CFAP99: variants seen among roughly 807,000 people sequenced by gnomAD.
CFAP99 encodes cilia- and flagella-associated protein 99.
A neutral mutation model predicts 82.7 loss-of-function variants in CFAP99; 84 were observed. The ratio of observed to expected loss-of-function variants is 1.02; its 90% CI spans 0.85 to 1.22. The LOEUF (loss-of-function observed/expected upper bound fraction) is 1.22. CFAP99 is among the 50% of genes most tolerant of loss of function. The pLI, the probability that CFAP99 is intolerant of heterozygous loss-of-function variation, is 0.00. For missense variants in CFAP99, 1,059 were observed against 983.5 expected, an observed-to-expected ratio of 1.08 and a Z score of -1.03; for synonymous variants, 456 against 429.5, an observed-to-expected ratio of 1.06 and a Z score of -0.76.
chr4:2,449,564 A>T, intron 6 of CFAP99, 106 bp from the exon 7 acceptor site: 1 of 969,002 alleles, frequency 1.0e-6, no homozygotes, highest in Non-Finnish European at 1.6e-6. Context: ...GGCCGCCACC[A>T]CCCTCCCCTT....
exon 11 of CFAP99, chr4:2,452,278 G>A: frequency 1.3e-6 from 2 of 1,535,876 alleles, no homozygotes; most frequent in African/African-American, 2.7e-5. Context: ...TAGCCATGAG[G>A]AGGCCGTCCT....
At chr4:2,426,676 G>A (rs1220204404) in intron 2 of CFAP99, 90 bp downstream of exon 2, 37 of 817,956 alleles carry the variant, frequency 4.5e-5, no homozygotes, top group African/African-American at 2.2e-4. Context: ...CCTTCCTAAC[G>A]ACTGCCTTCC....
chr4:2,449,585 C>T, intron 6 of CFAP99, 85 bp from the exon 7 acceptor site: 2 of 1,241,328 alleles, frequency 1.6e-6, no homozygotes, highest in Non-Finnish European at 2.3e-6. Context: ...CACCCACATC[C>T]ACCAAGCTGT....
chr4:2,450,751 C>A (rs1682496702), intron 8 of CFAP99, among the ~76,000 whole-genome samples, 196 bp from the exon 9 acceptor site: 2 of 152,160 alleles, frequency 1.3e-5, no homozygotes, highest in Non-Finnish European at 2.9e-5. Context: ...TGGGTGGAAC[C>A]ACAGCAAGGC....
chr4:2,447,586 T>G (rs1335715494), intron 6 of CFAP99, among the ~76,000 whole-genome samples: 1 of 151,258 alleles, frequency 6.6e-6, no homozygotes, highest in African/African-American at 2.4e-5. Context: ...TATGGATGGA[T>G]GAATGGATGA....
Position 2,462,536 on chromosome 4 carries a change from G to A in CFAP99, c.1755G>A (p.Ala585=), listed in dbSNP as rs944198073. ...TGCGGCGCAGGATCTCGGAGAGGGC[G>A]GCCGAGCGCAGCAGGCAGGCGGCCT... The change falls in exon 15 of 15, where the codon GCG becomes GCA. Residue 585 remains alanine (A), a synonymous_variant. Transcript: ENST00000635017. The surrounding 1 kb of genome is among the most constrained non-coding windows in gnomAD (Gnocchi z 4.1). 6.8e-7 allele frequency: 1 copy of A among 1,470,396 alleles called. No homozygotes were observed. Among genetic ancestry groups the A allele is most frequent in the Admixed American group, 2.4e-5 (1 of 41,080 alleles). The allele number at this position is 1,470,396 out of a possible 1,614,324, so 91.1% of individuals were successfully genotyped here.
At chr4:2,450,857 G>A in intron 8 of CFAP99, 90 bp from the exon 9 acceptor site, 2 of 1,128,020 alleles carry the variant, frequency 1.8e-6, no homozygotes, top group Non-Finnish European at 2.6e-6. Flanking sequence ...GGCCTCCCCA[G>A]GGTGCTGGGC....
chr4:2,454,258 C>G (rs1054119577), intron 11 of CFAP99, among the ~76,000 whole-genome samples: 4 of 152,202 alleles, frequency 2.6e-5, no homozygotes, highest in Non-Finnish European at 4.4e-5. Flanking sequence ...ACCTCGGCCT[C>G]CCAAATTGCT....
chr4:2,437,177 A>G (rs1733934298), intron 3 of CFAP99, among the ~76,000 whole-genome samples, 159 bp downstream of exon 3: 1 of 152,114 alleles, frequency 6.6e-6, no homozygotes, highest in Admixed American at 6.5e-5. Context: ...CTTGGTCCTT[A>G]CCAGGCGGAC....
Position 2,459,222 on chromosome 4 carries a change from G to A in CFAP99, c.1419G>A (p.Gln473=), listed in dbSNP as rs115603517. 1,685 of 1,535,616 alleles carry A rather than the reference G, an allele frequency of 1.1e-3. 16 individuals are homozygous for A. In the African/African-American group the frequency reaches 0.019, roughly 18 times the overall value. Reference sequence around the variant, plus strand: ...CCCAGCTGCGCGCACTCGAGACACAGCCCACGCGCAAGGGCAAGCTCGTGG... The same window carrying A: ...CCCAGCTGCGCGCACTCGAGACACAACCCACGCGCAAGGGCAAGCTCGTGG... The change falls in exon 13 of 15, where the codon CAG becomes CAA. Residue 473 remains glutamine (Q), a synonymous_variant. Coordinates refer to ENST00000635017, the Ensembl canonical transcript of CFAP99.
At chr4:2,426,089 G>A (rs1733676984) in intron 1 of CFAP99, among the ~76,000 whole-genome samples, 1 of 152,182 alleles carries the variant, frequency 6.6e-6, no homozygotes, top group African/African-American at 2.4e-5. Flanking sequence ...TCTCTGCCGT[G>A]GGCCCCTTGC....
chr4:2,421,464 C>A (rs1733583657), intron 1 of CFAP99, among the ~76,000 whole-genome samples: 1 of 146,056 alleles, frequency 6.8e-6, no homozygotes, highest in South Asian at 2.2e-4. Flanking sequence ...AAGCAATTCT[C>A]TGCCTCAGCC....
chr4:2,429,925 G>C (rs534538735), intron 2 of CFAP99, among the ~76,000 whole-genome samples: 1 of 151,776 alleles, frequency 6.6e-6, no homozygotes, highest in Admixed American at 6.6e-5. Flanking sequence ...TCACAAGTCC[G>C]AGAGGAATGG....
intron 11 of CFAP99, among the ~76,000 whole-genome samples, chr4:2,453,934 C>T (rs563326850): frequency 2.6e-5 from 4 of 151,486 alleles, no homozygotes; most frequent in South Asian, 2.1e-4. Flanking sequence ...CTGCCTCAGT[C>T]TCCTGAGTAG....
intron 4 of CFAP99, among the ~76,000 whole-genome samples, chr4:2,442,436 AGGGGAGGCTGCT>A (rs1055353276): frequency 6.6e-6 from 1 of 151,878 alleles, no homozygotes; most frequent in African/African-American, 2.4e-5. Flanking sequence ...TGGAGGCCCG[AGGGGAGGCTGCT>A]GGGGAGGGTG....
At chr4:2,459,592 T>G (rs1734558958) in intron 13 of CFAP99, among the ~76,000 whole-genome samples, 1 of 152,044 alleles carries the variant, frequency 6.6e-6, no homozygotes, top group African/African-American at 2.4e-5. Flanking sequence ...GCAGGTGTTT[T>G]CAAAGGCTGG....
Position 2,448,120 on chromosome 4 carries a change from A to G in CFAP99, c.643-1550A>G, listed in dbSNP as rs1258537468. ...GGGTGGATGATCAGATGGATGGATG[A>G]TTAGATGGAGGTGGCTGATGGATGG... On this transcript the variant is annotated intron_variant, in intron 6 of 14. Coordinates refer to ENST00000635017, the Ensembl canonical transcript of CFAP99. This position sits in a 1 kb window ranked among gnomAD's most constrained non-coding sequence, Gnocchi z 5.2. Among the ~76,000 whole-genome samples, 4 of 152,090 alleles carry G rather than the reference A, an allele frequency of 2.6e-5. No homozygotes were observed. Among genetic ancestry groups the G allele is most frequent in the African/African-American group, 9.7e-5 (4 of 41,408 alleles).
intron 1 of CFAP99, among the ~76,000 whole-genome samples, chr4:2,425,102 G>A (rs1035887308): frequency 1.3e-5 from 2 of 152,088 alleles, no homozygotes; most frequent in African/African-American, 4.8e-5. Context: ...TTCTGTCATC[G>A]TATTTTGGTT....
chr4:2,454,581 C>CTTTTTTTTTTTTTTTTTTT (rs200727697), intron 11 of CFAP99, among the ~76,000 whole-genome samples: 69 of 94,678 alleles, frequency 7.3e-4, no homozygotes, highest in South Asian at 1.5e-3. Context: ...TGTTTTTTTT[C>CTTTTTTTTTTTTTTTTTTT]TTTTTTTTTT....
Sources: gnomAD v4.1 joint callset for allele counts (sites outside exome capture counted in the v4.1 genomes callset) on GRCh38, gnomAD v4.1.1 for gene constraint, Gnocchi (gnomAD v3.1) non-coding constraint, MANE v1.5 for transcripts, NCBI Gene and HGNC (gene_info 2026-07-23, HGNC 2026-07-21) for gene names.